The following SLC26A5 variants were observed in gnomAD, a reference collection of about 807,000 sequenced individuals.
SLC26A5 encodes prestin.
In SLC26A5, 51 loss-of-function variants were observed where a neutral mutation model predicts 81.0. The observed-to-expected ratio is 0.63, with a 90% CI of 0.50 to 0.80. The LOEUF (loss-of-function observed/expected upper bound fraction) is 0.80. Ranked by LOEUF, SLC26A5 falls within the 30% of genes least tolerant of loss-of-function variation. The pLI is 0.00. For synonymous variants in SLC26A5, 325 were observed against 332.8 expected, an observed-to-expected ratio of 0.98 and a Z score of 0.25; for missense variants, 771 against 905.8, an observed-to-expected ratio of 0.85 and a Z score of 1.91.
In SLC26A5 at chr7:103,389,438, C is replaced by T. The variant is rs1249567534; in HGVS notation, c.1312-14G>A. ...CGACAGCACAGCCTGAAACAGAGCA[C>T]ATCCCCCATGCCTCTCCTCTTGTGT... On this transcript the variant is annotated splice_polypyrimidine_tract_variant and intron_variant, in intron 12 of 19. Transcript: ENST00000306312. 1.9e-6 allele frequency: 3 copies of T among 1,591,982 alleles called. No individual in the cohort carries two copies. In the East Asian group the frequency reaches 6.7e-5, roughly 36 times the overall value.
chr7:103,361,079 A>G (rs553917229), intron 19 of SLC26A5, among the ~76,000 whole-genome samples: 62 of 151,674 alleles, frequency 4.1e-4, no homozygotes, highest in African/African-American at 1.4e-3. Flanking sequence ...GCACCACTGC[A>G]CTCCAGTCTG....
intron 2 of SLC26A5, among the ~76,000 whole-genome samples, chr7:103,430,594 G>GAGAAGC (rs879583906): frequency 0.38 from 56,824 of 151,530 alleles, 14,126 homozygotes; most frequent in African/African-American, 0.7. Context: ...CTGTTCCAGA[G>GAGAAGC]AGGATGGCTT....
At chr7:103,381,009 GCATACACACACAATGCACACACAC>G (rs1435029893) in intron 14 of SLC26A5, among the ~76,000 whole-genome samples, 1 of 149,980 alleles carries the variant, frequency 6.7e-6, no homozygotes, top group Non-Finnish European at 1.5e-5. Context: ...CCACACACAT[GCATACACACACAATGCACACACAC>G]CATACATACA....
rs1825325843 is a variant in SLC26A5, at chr7:103,421,284, G to T, written c.152+79C>A. The T allele has an allele frequency of 2.0e-6, 3 of 1,504,048 alleles. No homozygotes were observed. In the East Asian group the frequency reaches 7.0e-5, roughly 35 times the overall value. The allele number at this position is 1,504,048 out of a possible 1,614,324, so 93.2% of individuals were successfully genotyped here. A position where few individuals can be genotyped will look rare whatever the true frequency, so the allele number is the denominator to read the frequency against. ...ATTTTTCTCTCCACTTCACCAAACAGATTTTCTTTACACATTTGACCTTGC... is the reference window on the plus strand; with the variant it reads ...ATTTTTCTCTCCACTTCACCAAACATATTTTCTTTACACATTTGACCTTGC... On this transcript the variant is annotated intron_variant, in intron 3 of 19. Transcript: ENST00000306312.
intron 14 of SLC26A5, among the ~76,000 whole-genome samples, chr7:103,386,795 CT>C (rs1394738904): frequency 6.6e-6 from 1 of 151,798 alleles, no homozygotes; most frequent in Admixed American, 6.6e-5. Context: ...ACGTGTGTCA[CT>C]CTGTCGCCCA....
In SLC26A5 at chr7:103,367,246, A is replaced by G. The variant is rs1343560833; in HGVS notation, c.2041+9562T>C. On this transcript the variant is annotated intron_variant, in intron 19 of 19. Coordinates refer to the SLC26A5 transcript ENST00000339444. The surrounding 1 kb of genome is among the most constrained non-coding windows in gnomAD (Gnocchi z 6.1). ...TTTTGAAAGCAAAGATTCACTTTCT[A>G]ATTAGTTTTATATAAAGCAAGCTGT... 6.6e-6 allele frequency among the ~76,000 whole-genome samples: 1 copy of G among 152,098 alleles called. No individual in the cohort carries two copies. Among genetic ancestry groups the G allele is most frequent in the African/African-American group, 2.4e-5 (1 of 41,396 alleles).
intron 4 of SLC26A5, among the ~76,000 whole-genome samples, chr7:103,416,223 T>C (rs1824896563): frequency 6.6e-6 from 1 of 152,218 alleles, no homozygotes; most frequent in Non-Finnish European, 1.5e-5. Flanking sequence ...TTTTGTGTGA[T>C]TTGGTCTCTT....
Position 103,411,476 on chromosome 7 carries a change from C to A in SLC26A5, c.514G>T (p.Asp172Tyr), listed in dbSNP as rs902150458. Residue 172 changes from aspartate to tyrosine, a missense_variant, in exon 6 of 20, where the codon GAT (aspartate) becomes TAT (tyrosine). Transcript: ENST00000306312. ...ATGGCGACTTTCACTCTCAAGGCAT[C>A]TCTGGCCTCTGTGCCATTGGTTGCA... ...VNATNGTEARDALRVKVAMSV... is the reference protein window; with the variant it reads ...VNATNGTEARYALRVKVAMSV... The A allele has an allele frequency of 1.2e-6, 2 of 1,614,224 alleles. No homozygotes were observed. The highest frequency in any genetic ancestry group is 1.7e-6 in the Non-Finnish European group (2 of 1,180,044).
intron 6 of SLC26A5, 147 bp downstream of exon 6, chr7:103,411,273 A>G: frequency 1.3e-6 from 1 of 789,026 alleles, no homozygotes; most frequent in Non-Finnish European, 2.0e-6. Context: ...TGAATATGGC[A>G]TGCAGTTGGT....
At position 103,377,799 on chromosome 7, in the gene SLC26A5, C is replaced by G; in HGVS notation, c.1786G>C (p.Asp596His). Residue 596 changes from aspartate (D) to histidine (H), a missense_variant and splice_region_variant, in exon 18 of 20, where the codon GAT becomes CAT. Transcript: ENST00000306312. ...GCATCCTCTCCATCTACTTCTGCAT[C>G]CTGTGTCAAAAATTAAACCAAACCA... The part of the protein sequence containing the change: ...NMANATVVKA[D>H]AEVDGEDATK... 6.2e-7 allele frequency: 1 copy of G among 1,613,604 alleles called. No individual in the cohort carries two copies. Among genetic ancestry groups the G allele is most frequent in the Non-Finnish European group, 8.5e-7 (1 of 1,179,970 alleles).
chr7:103,407,601 A>G (rs1401336416), intron 8 of SLC26A5, among the ~76,000 whole-genome samples: 1 of 152,164 alleles, frequency 6.6e-6, no homozygotes, highest in African/African-American at 2.4e-5. Flanking sequence ...CCATAATCCC[A>G]TCACTTGTAA....
intron 10 of SLC26A5, 78 bp downstream of exon 10, chr7:103,392,841 T>G: frequency 6.3e-7 from 1 of 1,582,862 alleles, no homozygotes; most frequent in Non-Finnish European, 8.7e-7. Context: ...CCTCCCGAAG[T>G]GCTGGGATTA....
rs1056133908 is a variant in SLC26A5, at chr7:103,388,913, C to T, written c.1514+95G>A. The T allele has an allele frequency of 1.3e-5, 11 of 851,100 alleles. No homozygotes were observed. In the Admixed American group the frequency reaches 1.9e-4, roughly 15 times the overall value. The allele number at this position is 851,100 out of a possible 1,614,324, so 52.7% of individuals were successfully genotyped here. A position where few individuals can be genotyped will look rare whatever the true frequency, so the allele number is the denominator to read the frequency against. On this transcript the variant is annotated intron_variant, in intron 14 of 19. Transcript: ENST00000306312. ...ACGCTAACTAGAAATCATCAAAGGG[C>T]TCCACTTCTACCAACTTAAACTTTG...
intron 8 of SLC26A5, among the ~76,000 whole-genome samples, chr7:103,405,150 TTTG>T (rs1315858808): frequency 6.6e-6 from 1 of 151,982 alleles, no homozygotes; most frequent in African/African-American, 2.4e-5. Context: ...CTCGGAGGAG[TTTG>T]TTATTACCCA....
intron 19 of SLC26A5, among the ~76,000 whole-genome samples, chr7:103,361,530 A>AAAAAAAAAAAAAAAAAAAAAG (rs1820413391): frequency 6.7e-6 from 1 of 149,740 alleles, no homozygotes; most frequent in African/African-American, 2.5e-5. Flanking sequence ...AAAAAAAAAA[A>AAAAAAAAAAAAAAAAAAAAAG]AAAGAAAAAC....
intron 4 of SLC26A5, 73 bp from the exon 5 acceptor site, chr7:103,413,185 GTTCT>G: frequency 9.6e-7 from 1 of 1,039,126 alleles, no homozygotes; most frequent in Non-Finnish European, 1.5e-6. Flanking sequence ...TTTTCTCTTG[GTTCT>G]TTATTTCTGA....
intron 14 of SLC26A5, chr7:103,388,421 A>G (rs112167057): frequency 0.056 from 9,070 of 163,398 alleles, 903 homozygotes; most frequent in African/African-American, 0.21. Flanking sequence ...GGCTGGTTTC[A>G]AACTCCTGAC....
At chr7:103,388,863 T>A in intron 14 of SLC26A5, 145 bp downstream of exon 14, 1 of 684,656 alleles carries the variant, frequency 1.5e-6, no homozygotes, top group Admixed American at 2.1e-5. Flanking sequence ...GTCAACAGGC[T>A]ACATGAGTGT....
chr7:103,406,856 T>G (rs186161523), intron 8 of SLC26A5, among the ~76,000 whole-genome samples: 44 of 152,298 alleles, frequency 2.9e-4, no homozygotes, highest in African/African-American at 1.1e-3. Flanking sequence ...TTTCACCATG[T>G]TAGCCAGGCT....
Sources: allele counts gnomAD v4.1 joint callset (sites outside exome capture counted in the v4.1 genomes callset), GRCh38; gene constraint gnomAD v4.1.1; non-coding constraint Gnocchi (gnomAD v3.1); transcripts MANE v1.5; gene names NCBI Gene and HGNC (gene_info 2026-07-23, HGNC 2026-07-21).